The following LDB3 variants were observed in gnomAD, a reference collection of about 807,000 sequenced individuals.
LDB3 encodes LIM domain binding 3, also known as LIM domain-binding protein 3.
LDB3 carries 49 observed loss-of-function variants against 69.0 expected under a neutral mutation model. The ratio of observed to expected loss-of-function variants is 0.71; its 90% confidence interval spans 0.56 to 0.90. The LOEUF is 0.90. Among genes scored for constraint, LDB3 ranks in the 40% least tolerant of loss-of-function variants. LDB3 has a pLI of 0.00. For synonymous variants in LDB3, 387 were observed against 396.2 expected, an observed-to-expected ratio of 0.98 and a Z score of 0.28; for missense variants, 928 against 974.1, an observed-to-expected ratio of 0.95 and a Z score of 0.63.
intron 7 of LDB3, among the ~76,000 whole-genome samples, chr10:86,705,592 A>AGGGTG (rs1846411045): frequency 6.6e-6 from 1 of 152,220 alleles, no homozygotes; most frequent in Admixed American, 6.5e-5. Context: ...CAAGGCACTC[A>AGGGTG]GGGTGGGGGT....
rs899694378 is a variant in LDB3, at chr10:86,706,862, C to A, written c.1085+143C>A. On this transcript the variant is annotated intron_variant, in intron 8 of 13. Coordinates refer to ENST00000361373, the MANE Select transcript of LDB3 (RefSeq NM_007078.3). ...AAGCCAAGGCCAGCGCTGCTTGGTGCAGAGTGTGAAGGGGAAACTGAGGGT... is the reference window on the plus strand; with the variant it reads ...AAGCCAAGGCCAGCGCTGCTTGGTGAAGAGTGTGAAGGGGAAACTGAGGGT... The A allele has an allele frequency of 3.4e-5, 29 of 860,328 alleles. No individual in the cohort carries two copies. The Middle Eastern group carries it at 1.1e-3, about 31-fold the overall frequency. The allele number at this position is 860,328 out of a possible 1,614,324, so 53.3% of individuals were successfully genotyped here.
At chr10:86,672,361 G>A (rs938041521) in intron 2 of LDB3, among the ~76,000 whole-genome samples, 39 of 152,334 alleles carry the variant, frequency 2.6e-4, no homozygotes, top group Middle Eastern at 3.4e-3. Flanking sequence ...TTCTCTGTGG[G>A]TTTCGGTTCC....
chr10:86,682,514 G>C (rs1169489486), intron 5 of LDB3, among the ~76,000 whole-genome samples: 1 of 152,166 alleles, frequency 6.6e-6, no homozygotes, highest in East Asian at 1.9e-4. Context: ...CTGTAGGGGG[G>C]AGGCAAAGGA....
At chr10:86,723,635 G>A (rs1032599433) in intron 12 of LDB3, among the ~76,000 whole-genome samples, 1 of 152,188 alleles carries the variant, frequency 6.6e-6, no homozygotes, top group African/African-American at 2.4e-5. Context: ...ATAGTAGTAA[G>A]TTCTTGCAGA....
Position 86,719,647 on chromosome 10 carries a change from G to A in LDB3, c.1978+800G>A, listed in dbSNP as rs140912236. On this transcript the variant is annotated intron_variant, in intron 12 of 13. Coordinates refer to ENST00000361373, the MANE Select transcript of LDB3 (RefSeq NM_007078.3). ...CTGTGGTGAGGATTAAACCAGAGAA[G>A]GCGTGTAGAGCATCAAATATGCGAG... Among the ~76,000 whole-genome samples the A allele has an allele frequency of 2.8e-4, 43 of 152,318 alleles. No individual in the cohort carries two copies. The East Asian group carries it at 8.1e-3, about 29-fold the overall frequency.
intron 12 of LDB3, among the ~76,000 whole-genome samples, chr10:86,720,443 GA>G (rs34836333): frequency 2.0e-5 from 3 of 148,528 alleles, no homozygotes; most frequent in Admixed American, 6.7e-5. Context: ...GACTCCATCT[GA>G]AAAAAAAAAG....
intron 2 of LDB3, among the ~76,000 whole-genome samples, chr10:86,676,592 A>G (rs539954677): frequency 1.3e-5 from 2 of 151,932 alleles, no homozygotes; most frequent in South Asian, 4.2e-4. Flanking sequence ...GAAAGAAAAA[A>G]AAAAAAGAGG....
At chr10:86,666,902 C>T (rs1176862967), upstream of LDB3, 2 of 467,728 alleles carry the variant, frequency 4.3e-6, no homozygotes, top group Admixed American at 4.7e-5. Context: ...CCTTCTCCCA[C>T]ACTGGTTATG....
At chr10:86,722,592 G>C (rs1419753127) in intron 12 of LDB3, among the ~76,000 whole-genome samples, 2 of 86,754 alleles carry the variant, frequency 2.3e-5, no homozygotes, top group African/African-American at 9.0e-5. Context: ...TTGAGACAGA[G>C]TCTTGCTCTG....
chr10:86,719,608 C>A (rs2132489183), intron 12 of LDB3, among the ~76,000 whole-genome samples: 1 of 152,268 alleles, frequency 6.6e-6, no homozygotes, highest in African/African-American at 2.4e-5. Context: ...TCTGTAAACA[C>A]CTGCCTTACA....
intron 2 of LDB3, 30 bp downstream of exon 2, chr10:86,668,814 C>T (rs1290511876): frequency 3.9e-6 from 6 of 1,535,786 alleles, no homozygotes; most frequent in Admixed American, 3.3e-5. Flanking sequence ...GCCTGGCACC[C>T]GATGGGGCAG....
intron 3 of LDB3, 95 bp downstream of exon 3, chr10:86,679,613 C>A: frequency 7.2e-7 from 1 of 1,394,648 alleles, no homozygotes; most frequent in Non-Finnish European, 1.0e-6. Flanking sequence ...ATTGAGTGGG[C>A]CCCGCCCTGG....
chr10:86,730,628 G>A (rs1847421790), intron 13 of LDB3, among the ~76,000 whole-genome samples: 2 of 152,206 alleles, frequency 1.3e-5, no homozygotes, highest in South Asian at 4.1e-4. Context: ...TACTAGGTCT[G>A]TGACTTAAGG....
Position 86,718,114 on chromosome 10 carries a change from G to C in LDB3, c.1827G>C (p.Leu609=). 6.2e-7 allele frequency: 1 copy of C among 1,614,204 alleles called. No individual in the cohort carries two copies. Among genetic ancestry groups the C allele is most frequent in the Non-Finnish European group, 8.5e-7 (1 of 1,180,046 alleles). Residue 609 remains leucine (L), a synonymous_variant, in exon 11 of 14, where the codon CTG becomes CTC. Coordinates refer to ENST00000361373, the MANE Select transcript of LDB3 (RefSeq NM_007078.3). ...ERCYEQFFAP[L]CAKCNTKIMG... ...GTTATGAGCAATTCTTTGCCCCGCT[G>C]TGTGCCAAGTGCAACACCAAAATTA...
chr10:86,728,344 C>T (rs887047712), intron 13 of LDB3, among the ~76,000 whole-genome samples: 4 of 152,198 alleles, frequency 2.6e-5, no homozygotes, highest in Middle Eastern at 3.4e-3. Context: ...CTGCAAGCCT[C>T]GCAATTTCAG....
chr10:86,680,953 C>A (rs76319042), intron 4 of LDB3, among the ~76,000 whole-genome samples: 2,511 of 152,314 alleles, frequency 0.016, 93 homozygotes, highest in African/African-American at 0.058. Flanking sequence ...CAGAGGTAGA[C>A]TGAGGGGCCC....
Position 86,699,541 on chromosome 10 carries a change from C to G in LDB3, c.896+6970C>G. On this transcript the variant is annotated intron_variant, in intron 7 of 13. Coordinates refer to ENST00000361373, the MANE Select transcript of LDB3 (RefSeq NM_007078.3). This position sits in a 1 kb window ranked among gnomAD's most constrained non-coding sequence, Gnocchi z 4.9. ...TTTCTGTCCTCTGCCCACCCCAGAG[C>G]TGATGCTGGGGCCCAGCCCCCTGCA... 1.3e-6 allele frequency: 2 copies of G among 1,484,894 alleles called. No homozygotes were observed. Among genetic ancestry groups the G allele is most frequent in the South Asian group, 2.6e-5 (2 of 75,692 alleles). The allele number at this position is 1,484,894 out of a possible 1,614,324, so 92.0% of individuals were successfully genotyped here.
intron 5 of LDB3, among the ~76,000 whole-genome samples, chr10:86,690,513 C>T (rs367559111): frequency 6.6e-6 from 1 of 152,210 alleles, no homozygotes; most frequent in African/African-American, 2.4e-5. Context: ...GGGCCTTCAG[C>T]GAAGCCAGGG....
At chr10:86,691,829 G>T in intron 5 of LDB3, 67 bp from the exon 6 acceptor site, 2 of 1,576,640 alleles carry the variant, frequency 1.3e-6, no homozygotes, top group South Asian at 1.1e-5. Flanking sequence ...GCATGGAGCA[G>T]GGACCCAGCA....
Sources: gnomAD v4.1 joint callset for allele counts (sites outside exome capture counted in the v4.1 genomes callset) on GRCh38, gnomAD v4.1.1 for gene constraint, Gnocchi (gnomAD v3.1) non-coding constraint, MANE v1.5 for transcripts, NCBI Gene and HGNC (gene_info 2026-07-23, HGNC 2026-07-21) for gene names.